The following FMNL2 variants were observed in gnomAD, a reference collection of about 807,000 sequenced individuals.
The protein encoded by FMNL2 is formin-like protein 2.
A neutral mutation model predicts 130.2 loss-of-function variants in FMNL2; 51 were observed. The observed-to-expected ratio is 0.39, with a 90% CI of 0.31 to 0.49. FMNL2 has a LOEUF of 0.49. Among genes scored for constraint, FMNL2 ranks in the 20% least tolerant of loss-of-function variants. FMNL2 has a pLI of 0.85. For synonymous variants in FMNL2, 465 were observed against 467.1 expected (o/e 1.00, Z 0.06); for missense variants, 977 against 1,316.2 (o/e 0.74, Z 3.99).
chr2:152,475,691 G>T (rs1377244962), intron 1 of FMNL2, among the ~76,000 whole-genome samples: 1 of 152,010 alleles, frequency 6.6e-6, no homozygotes, highest in Non-Finnish European at 1.5e-5. Flanking sequence ...TAGAGATGGG[G>T]TTTTGCCATG....
At chr2:152,376,664 G>A (rs1182414532) in intron 1 of FMNL2, among the ~76,000 whole-genome samples, 1 of 152,194 alleles carries the variant, frequency 6.6e-6, no homozygotes, top group Non-Finnish European at 1.5e-5. Context: ...CCAGACACCA[G>A]TGGTGAGGAT....
intron 2 of FMNL2, 62 bp downstream of exon 2, chr2:152,522,088 T>G: frequency 7.6e-7 from 1 of 1,324,458 alleles, no homozygotes; most frequent in South Asian, 1.3e-5. Flanking sequence ...CCAGTGTGAA[T>G]TTTATGGTAT....
chr2:152,388,038 T>C (rs1178696402), intron 1 of FMNL2, among the ~76,000 whole-genome samples: 1 of 152,178 alleles, frequency 6.6e-6, no homozygotes, highest in Admixed American at 6.5e-5. Context: ...TAATAAGAAT[T>C]AGGAAGATTC....
intron 17 of FMNL2, among the ~76,000 whole-genome samples, chr2:152,627,179 G>A (rs1458130748): frequency 6.6e-6 from 1 of 152,192 alleles, no homozygotes; most frequent in Non-Finnish European, 1.5e-5. Flanking sequence ...GGCATTTGTG[G>A]AATGATACAG....
intron 1 of FMNL2, among the ~76,000 whole-genome samples, chr2:152,436,725 A>G (rs1208775751): frequency 2.0e-5 from 3 of 152,168 alleles, no homozygotes; most frequent in Admixed American, 2.0e-4. Context: ...AGTGAGAAAT[A>G]GTCTCAGTAA....
rs771550258 is a variant in FMNL2, at chr2:152,628,458, C to T, written c.2325C>T (p.Ile775=). 6.8e-6 allele frequency: 11 copies of T among 1,613,870 alleles called. No individual in the cohort carries two copies. Among genetic ancestry groups the T allele is most frequent in the Middle Eastern group, 1.6e-4 (1 of 6,084 alleles). ...GGTTCATGATGCAGTTTAGTAAAAT[C>T]GAGAGGCTCATGCAGAAGATGACCA... ...EDRFMMQFSK[I]ERLMQKMTIM... Residue 775 remains isoleucine, a synonymous_variant, in exon 18 of 26, where the codon ATC becomes ATT. Transcript: ENST00000288670.
intron 10 of FMNL2, chr2:152,607,690 C>G (rs559765866): frequency 1.2e-5 from 3 of 253,404 alleles, no homozygotes; most frequent in Non-Finnish European, 2.3e-5. Context: ...ACAGCCATGC[C>G]TGGTGCAAAT....
rs16831399 is a variant in FMNL2 at position 152,578,920 on chromosome 2, C to T, written c.738C>T (p.His246=). ...YGFNMVMSHP[H]AVNEIALSLN... ...TCAACATGGTCATGTCTCATCCACACGCTGTCAATGAGATTGCACTAAGCC... is the reference window on the plus strand; with the variant it reads ...TCAACATGGTCATGTCTCATCCACATGCTGTCAATGAGATTGCACTAAGCC... Residue 246 remains histidine (H), a synonymous_variant, in exon 8 of 26, where the codon CAC becomes CAT. Transcript: ENST00000288670. 220,194 of 1,610,666 alleles carry T rather than the reference C, an allele frequency of 0.14. 16,614 individuals are homozygous for T. Among genetic ancestry groups the T allele is most frequent in the African/African-American group, 0.27 (20,066 of 74,702 alleles).
intron 1 of FMNL2, among the ~76,000 whole-genome samples, chr2:152,419,360 G>T (rs987400674): frequency 2.0e-5 from 3 of 152,106 alleles, no homozygotes; most frequent in Admixed American, 2.0e-4. Context: ...TATTTACCAT[G>T]CTGTGGAATA....
rs73002256 is a variant in FMNL2 at position 152,438,700 on chromosome 2, C to T, written c.118-83243C>T. Among the ~76,000 whole-genome samples, 1,440 of 152,014 alleles carry T rather than the reference C, an allele frequency of 9.5e-3. 20 individuals carry two copies. Among genetic ancestry groups the T allele is most frequent in the African/African-American group, 0.032 (1,342 of 41,442 alleles). On this transcript the variant is annotated intron_variant, in intron 1 of 25. Transcript: ENST00000288670. ...GGGAAAGCAGATTTGCTTCTTGGCG[C>T]GGGATGGACAGGGAGGGCTCTTTGG...
In FMNL2 at chr2:152,649,077, G is replaced by A. The variant is rs937106490; in HGVS notation, c.*1172G>A. On this transcript the variant is annotated 3_prime_UTR_variant, in exon 26 of 26. Transcript: ENST00000288670. ...TTTTCATAATATACATTCTGCTTCTGGCTTATCTTCTTGGTACATCAATAT... is the reference window on the plus strand; with the variant it reads ...TTTTCATAATATACATTCTGCTTCTAGCTTATCTTCTTGGTACATCAATAT... The A allele has an allele frequency of 6.6e-6, 1 of 152,498 alleles. No individual in the cohort carries two copies. Among genetic ancestry groups the A allele is most frequent in the Middle Eastern group, 3.2e-3 (1 of 316 alleles). 9.4% of individuals were successfully genotyped at this position (152,498 alleles called of 1,614,324 possible).
chr2:152,572,238 C>T (rs559558524), intron 6 of FMNL2, among the ~76,000 whole-genome samples: 1 of 152,172 alleles, frequency 6.6e-6, no homozygotes, highest in South Asian at 2.1e-4. Flanking sequence ...TGATGATCCC[C>T]TTATCTAGTT....
Position 152,640,778 on chromosome 2 carries a change from T to G in FMNL2, c.3046-13T>G. On this transcript the variant is annotated splice_polypyrimidine_tract_variant and intron_variant, in intron 24 of 25. Coordinates refer to ENST00000288670, the MANE Select transcript of FMNL2 (RefSeq NM_052905.4). ...TGCTGGCCTCACTAATCTCTGCCCT[T>G]CTTTCTTCTCAGTCTCCTTCTCATA... 1 of 1,611,802 alleles carries G rather than the reference T, an allele frequency of 6.2e-7. No individual in the cohort carries two copies. The highest frequency in any genetic ancestry group is 8.5e-7 in the Non-Finnish European group (1 of 1,178,784).
intron 1 of FMNL2, among the ~76,000 whole-genome samples, chr2:152,342,856 C>T (rs1681889501): frequency 6.6e-6 from 1 of 152,182 alleles, no homozygotes; most frequent in Non-Finnish European, 1.5e-5. Flanking sequence ...GGGCAACATT[C>T]AGCCCTATTT....
intron 25 of FMNL2, among the ~76,000 whole-genome samples, chr2:152,642,344 A>C (rs1028579644): frequency 6.6e-6 from 1 of 152,226 alleles, no homozygotes; most frequent in East Asian, 1.9e-4. Context: ...GAAATTAAAT[A>C]CATAGGTTAG....
In FMNL2 at chr2:152,452,284, C is replaced by G. The variant is rs1688686601; in HGVS notation, c.118-69659C>G. Among the ~76,000 whole-genome samples, 6 of 152,166 alleles carry G rather than the reference C, an allele frequency of 3.9e-5. No homozygotes were observed. The South Asian group carries it at 1.2e-3, about 32-fold the overall frequency. ...TTAGATTTTCAGGAATATGACTTAT[C>G]TAACTCTGAGAAGCTGGGCAGAAGG... On this transcript the variant is annotated intron_variant, in intron 1 of 25. Coordinates refer to ENST00000288670, the MANE Select transcript of FMNL2 (RefSeq NM_052905.4).
chr2:152,568,326 T>C (rs1463870747), intron 6 of FMNL2, among the ~76,000 whole-genome samples: 1 of 151,036 alleles, frequency 6.6e-6, no homozygotes, highest in Non-Finnish European at 1.5e-5. Context: ...AGCAATTCTT[T>C]TGCCTCACCC....
At position 152,497,288 on chromosome 2, in the gene FMNL2, C is replaced by T. The variant is rs573734430; in HGVS notation, c.118-24655C>T. On this transcript the variant is annotated intron_variant, in intron 1 of 25. Coordinates refer to ENST00000288670, the MANE Select transcript of FMNL2 (RefSeq NM_052905.4). ...TAACACATACCCCACGAGAAATTTG[C>T]TAACTAGAATGTAACATTTGTGTGC... Among the ~76,000 whole-genome samples, 30 of 152,204 alleles carry T rather than the reference C, an allele frequency of 2.0e-4. 1 individual carries two copies. The highest frequency in any genetic ancestry group is 1.0e-3 in the South Asian group (5 of 4,818).
At chr2:152,608,359 T>TG (rs1260348714) in intron 10 of FMNL2, among the ~76,000 whole-genome samples, 3 of 47,592 alleles carry the variant, frequency 6.3e-5, no homozygotes, top group Non-Finnish European at 1.1e-4. Flanking sequence ...ACCCTTTTTG[T>TG]GAAAAAAAAA....
Sources: gnomAD v4.1 joint callset for allele counts (sites outside exome capture counted in the v4.1 genomes callset) on GRCh38, gnomAD v4.1.1 for gene constraint, MANE v1.5 for transcripts, NCBI Gene and HGNC (gene_info 2026-07-23, HGNC 2026-07-21) for gene names.